DOCK11: variants seen among roughly 807,000 people sequenced by gnomAD.
DOCK11 encodes the protein dedicator of cytokinesis 11, also known as dedicator of cytokinesis protein 11.
Under a neutral mutation model 169.1 loss-of-function variants are expected in DOCK11, and 70 were observed. That is an observed-to-expected ratio of 0.41 (90% CI 0.34 to 0.51). DOCK11 has a LOEUF of 0.51. Among genes scored for constraint, DOCK11 ranks in the 20% least tolerant of loss-of-function variants. The probability of loss-of-function intolerance (pLI) is 0.10; values close to 1 mark genes in which losing one functional copy is unlikely to be tolerated. For synonymous variants in DOCK11, 529 were observed against 541.3 expected (o/e 0.98, Z 0.32); for missense variants, 1,166 against 1,538.8 (o/e 0.76, Z 4.05).
chrX:118,663,297 C>T (rs1371140849), intron 45 of DOCK11, among the ~76,000 whole-genome samples: 2 of 111,872 alleles, frequency 1.8e-5, no homozygotes, highest in Non-Finnish European at 3.8e-5. Context: ...CTCCAAGGTC[C>T]ACCTGAAGAG....
intron 1 of DOCK11, among the ~76,000 whole-genome samples, chrX:118,515,232 T>G (rs1443486650): frequency 8.9e-6 from 1 of 112,112 alleles, no homozygotes; most frequent in Non-Finnish European, 1.9e-5. Context: ...TTAATTTATT[T>G]CATTTTGTTT....
At chrX:118,655,325 TA>T (rs141188949) in intron 44 of DOCK11, among the ~76,000 whole-genome samples, 24,674 of 106,543 alleles carry the variant, frequency 0.23, 2,556 homozygotes, top group African/African-American at 0.39. Flanking sequence ...ATATAAAATA[TA>T]AAAAAAAAAT....
At chrX:118,655,753 G>A (rs927777334) in intron 44 of DOCK11, among the ~76,000 whole-genome samples, 1 of 112,159 alleles carries the variant, frequency 8.9e-6, no homozygotes, top group Non-Finnish European at 1.9e-5. Context: ...TGGCAACCAA[G>A]AAATCTCTAT....
At chrX:118,565,922 GATAAAA>G (rs1046846453) in intron 7 of DOCK11, 77 bp from the exon 8 acceptor site, 13 of 983,999 alleles carry the variant, frequency 1.3e-5, no homozygotes, top group African/African-American at 2.0e-5. Flanking sequence ...ACTAAGCTGA[GATAAAA>G]ATAAATATAA....
Position 118,545,308 on chromosome X carries a change from C to G in DOCK11, c.393-15C>G. Reference sequence around the variant, plus strand: ...GGTCTTTTTAGTGTCTAAGACAGTTCTCTTATATTTGCAGTAAATCTTTGA... The same window carrying G: ...GGTCTTTTTAGTGTCTAAGACAGTTGTCTTATATTTGCAGTAAATCTTTGA... On this transcript the variant is annotated splice_polypyrimidine_tract_variant and intron_variant, in intron 4 of 52. Coordinates refer to ENST00000276202, the MANE Select transcript of DOCK11 (RefSeq NM_144658.4). The G allele has an allele frequency of 8.8e-7, 1 of 1,141,019 alleles. No homozygotes were observed. Among genetic ancestry groups the G allele is most frequent in the Non-Finnish European group, 1.2e-6 (1 of 846,650 alleles). The allele number at this position is 1,141,019 out of a possible 1,213,427, so 94.0% of individuals were successfully genotyped here.
intron 10 of DOCK11, among the ~76,000 whole-genome samples, chrX:118,569,059 T>C (rs867286481): frequency 2.8e-5 from 3 of 107,235 alleles, no homozygotes; most frequent in Non-Finnish European, 3.9e-5. Context: ...CTTTCTTTCT[T>C]TCTCTCTCTC....
chrX:118,615,476 C>T (rs1372694723), intron 29 of DOCK11, 124 bp from the exon 30 acceptor site: 3 of 493,898 alleles, frequency 6.1e-6, no homozygotes, highest in Admixed American at 4.0e-5. Flanking sequence ...CTGCACAGGT[C>T]GCATCTCAAG....
In DOCK11 at chrX:118,653,819, T is replaced by A. The variant is rs187543838; in HGVS notation, c.4696-783T>A. ...CCTCATCATCTCTGAATCATATAGA[T>A]AATTGTGATTACTCCTGTGGGGGTT... is the stretch of plus-strand genomic sequence containing the variant. On this transcript the variant is annotated intron_variant, in intron 42 of 52. Coordinates refer to ENST00000276202, the MANE Select transcript of DOCK11 (RefSeq NM_144658.4). Among the ~76,000 whole-genome samples the A allele has an allele frequency of 8.9e-5, 10 of 112,255 alleles. No individual in the cohort carries two copies. The East Asian group carries it at 2.8e-3, about 31-fold the overall frequency.
intron 6 of DOCK11, 55 bp from the exon 7 acceptor site, chrX:118,561,328 T>C: frequency 9.4e-7 from 1 of 1,058,820 alleles, no homozygotes; most frequent in Non-Finnish European, 1.2e-6. Flanking sequence ...AGAGAAACTA[T>C]TCAAATGCAA....
chrX:118,667,302 C>T (rs2016359797), intron 45 of DOCK11, among the ~76,000 whole-genome samples: 1 of 111,045 alleles, frequency 9.0e-6, no homozygotes, highest in African/African-American at 3.3e-5. Context: ...CCTCAAGATC[C>T]TGATAGTGTT....
At chrX:118,548,637 C>T (rs1452652190) in intron 6 of DOCK11, among the ~76,000 whole-genome samples, 2 of 110,926 alleles carry the variant, frequency 1.8e-5, no homozygotes, top group Non-Finnish European at 3.8e-5. Context: ...ACTCACAGGC[C>T]GAGAAATGCA....
At chrX:118,675,676 G>T (rs959332495) in intron 46 of DOCK11, among the ~76,000 whole-genome samples, 2 of 108,918 alleles carry the variant, frequency 1.8e-5, no homozygotes, top group African/African-American at 6.7e-5. Context: ...TGCATATTCT[G>T]CACATGTATC....
Position 118,543,031 on chromosome X carries a change from G to T in DOCK11, c.309+16G>T. On this transcript the variant is annotated intron_variant, in intron 3 of 52. Coordinates refer to ENST00000276202, the MANE Select transcript of DOCK11 (RefSeq NM_144658.4). ...TGTTAAAGAGGTAAGAGGCTCAAAGGCCACAGAAGAATATTCTTCATATAT... is the reference window on the plus strand; with the variant it reads ...TGTTAAAGAGGTAAGAGGCTCAAAGTCCACAGAAGAATATTCTTCATATAT... The T allele has an allele frequency of 8.8e-7, 1 of 1,138,509 alleles. No individual in the cohort carries two copies. The highest frequency in any genetic ancestry group is 1.2e-6 in the Non-Finnish European group (1 of 833,511). 93.8% of individuals were successfully genotyped at this position (1,138,509 alleles called of 1,213,427 possible). A position where few individuals can be genotyped will look rare whatever the true frequency, so the allele number is the denominator to read the frequency against.
intron 12 of DOCK11, among the ~76,000 whole-genome samples, chrX:118,576,370 A>C (rs2013446523): frequency 8.9e-6 from 1 of 111,789 alleles, no homozygotes; most frequent in African/African-American, 3.3e-5. Flanking sequence ...CCTCCAGCCC[A>C]CGTGGGATTT....
intron 9 of DOCK11, among the ~76,000 whole-genome samples, 170 bp downstream of exon 9, chrX:118,566,823 T>A (rs1009855639): frequency 4.4e-5 from 5 of 112,545 alleles, no homozygotes; most frequent in African/African-American, 1.6e-4. Flanking sequence ...GAAGACTAAC[T>A]TGTAAGTACC....
At chrX:118,522,047 C>A (rs912440221) in intron 1 of DOCK11, among the ~76,000 whole-genome samples, 3 of 111,992 alleles carry the variant, frequency 2.7e-5, no homozygotes, top group African/African-American at 9.7e-5. Context: ...ATGCACTTGG[C>A]CAGGCTCATT....
chrX:118,516,744 A>G (rs1188300774), intron 1 of DOCK11, among the ~76,000 whole-genome samples: 2 of 112,190 alleles, frequency 1.8e-5, no homozygotes, highest in Non-Finnish European at 3.8e-5. Flanking sequence ...TGACATCTAT[A>G]TTTATTGACA....
Position 118,655,158 on chromosome X carries a change from T to G in DOCK11, c.4969+197T>G, listed in dbSNP as rs111594216. Among the ~76,000 whole-genome samples the G allele has an allele frequency of 9.9e-3, 1,109 of 111,497 alleles. 16 individuals are homozygous for G. The highest frequency in any genetic ancestry group is 0.034 in the African/African-American group (1,033 of 30,650). ...TGTCCCTTCTGCTTTCATTAGAGAT[T>G]ACAAGAAAAGTTAAATAGTACAGGG... is the stretch of plus-strand genomic sequence containing the variant. On this transcript the variant is annotated intron_variant, in intron 44 of 52. Transcript: ENST00000276202.
intron 32 of DOCK11, among the ~76,000 whole-genome samples, chrX:118,625,223 C>T (rs778123291): frequency 1.8e-5 from 2 of 108,802 alleles, no homozygotes; most frequent in African/African-American, 3.3e-5. Context: ...GGCGTGATCT[C>T]GGCTCACTGC....
Sources: gnomAD v4.1 joint callset for allele counts (sites outside exome capture counted in the v4.1 genomes callset) on GRCh38, gnomAD v4.1.1 for gene constraint, MANE v1.5 for transcripts, NCBI Gene and HGNC (gene_info 2026-07-23, HGNC 2026-07-21) for gene names.